Variants in SPIRE1 observed in about 807,000 individuals in gnomAD.
The protein encoded by SPIRE1 is protein spire homolog 1.
In SPIRE1, 40 loss-of-function variants were observed where a neutral mutation model predicts 94.1. The ratio of observed to expected loss-of-function variants is 0.43; its 90% CI spans 0.33 to 0.55. SPIRE1 has a LOEUF of 0.55. Ranked by LOEUF, SPIRE1 falls within the 20% of genes least tolerant of loss-of-function variation. SPIRE1 has a pLI of 0.06. For missense variants in SPIRE1, 838 were observed against 975.2 expected (o/e 0.86, Z 1.87); for synonymous variants, 376 against 371.7 (o/e 1.01, Z -0.13).
chr18:12,641,793 T>C (rs1241564437), intron 1 of SPIRE1, among the ~76,000 whole-genome samples: 2 of 151,960 alleles, frequency 1.3e-5, no homozygotes, highest in African/African-American at 4.8e-5. Context: ...CAAAATCATC[T>C]TTGCCAAGTT....
chr18:12,557,368 A>C (rs1454298020), intron 2 of SPIRE1, among the ~76,000 whole-genome samples: 2 of 152,080 alleles, frequency 1.3e-5, no homozygotes, highest in African/African-American at 4.8e-5. Flanking sequence ...AACTCAGCGC[A>C]CCCTCTGCAG....
At chr18:12,482,222 A>G (rs1466879727) in intron 9 of SPIRE1, among the ~76,000 whole-genome samples, 1 of 152,162 alleles carries the variant, frequency 6.6e-6, no homozygotes, top group Non-Finnish European at 1.5e-5. Context: ...AGCTCACTGT[A>G]ACCTCTGCCT....
chr18:12,616,718 G>C (rs1474146642), intron 2 of SPIRE1, among the ~76,000 whole-genome samples: 3 of 152,196 alleles, frequency 2.0e-5, no homozygotes, highest in Non-Finnish European at 4.4e-5. Flanking sequence ...ACAGGAAGAA[G>C]AGAGAAAAGC....
chr18:12,452,103 G>A, intron 16 of SPIRE1, 152 bp downstream of exon 16: 1 of 839,760 alleles, frequency 1.2e-6, no homozygotes. Context: ...CTTTGGGGAA[G>A]TTTTGGAGAT....
At chr18:12,593,452 T>TA (rs773451399) in intron 2 of SPIRE1, among the ~76,000 whole-genome samples, 1 of 152,196 alleles carries the variant, frequency 6.6e-6, no homozygotes, top group South Asian at 2.1e-4. Flanking sequence ...GCTTATCTGA[T>TA]AAAAAAGATG....
intron 11 of SPIRE1, among the ~76,000 whole-genome samples, chr18:12,463,696 T>C (rs1486925445): frequency 1.3e-5 from 2 of 152,046 alleles, no homozygotes; most frequent in Non-Finnish European, 2.9e-5. Context: ...GCTACAGAAA[T>C]AGCAAGAAAA....
chr18:12,458,892 T>C (rs1040565606), intron 12 of SPIRE1, among the ~76,000 whole-genome samples: 1 of 152,166 alleles, frequency 6.6e-6, no homozygotes, highest in Non-Finnish European at 1.5e-5. Context: ...CTTATTTACA[T>C]TGAGTCTCCT....
intron 2 of SPIRE1, among the ~76,000 whole-genome samples, chr18:12,629,403 T>C (rs950640310): frequency 6.6e-6 from 1 of 152,194 alleles, no homozygotes. Flanking sequence ...ATTTGTAAAA[T>C]TGGAATAAAA....
chr18:12,611,837 T>G (rs1302920827), intron 2 of SPIRE1, among the ~76,000 whole-genome samples: 1 of 150,032 alleles, frequency 6.7e-6, no homozygotes, highest in South Asian at 2.1e-4. Context: ...CTACTTTTCT[T>G]TTTTTTTTTG....
chr18:12,523,022 G>A (rs2034406525), intron 4 of SPIRE1, among the ~76,000 whole-genome samples: 1 of 152,094 alleles, frequency 6.6e-6, no homozygotes, highest in Non-Finnish European at 1.5e-5. Flanking sequence ...TCCTCTGATG[G>A]GTTTGGGCAA....
intron 12 of SPIRE1, among the ~76,000 whole-genome samples, chr18:12,461,729 G>C (rs966081997): frequency 5.9e-5 from 9 of 152,146 alleles, no homozygotes; most frequent in African/African-American, 2.2e-4. Flanking sequence ...CTAGGCTCAA[G>C]GGATCTTCCC....
chr18:12,462,792 AAAG>A (rs1210531111), intron 12 of SPIRE1, among the ~76,000 whole-genome samples: 6 of 152,160 alleles, frequency 3.9e-5, no homozygotes, highest in Admixed American at 3.9e-4. Context: ...CCTTTGAAAG[AAAG>A]AAAGCATTTC....
At chr18:12,461,554 C>CAT (rs1407127324) in intron 12 of SPIRE1, among the ~76,000 whole-genome samples, 6,630 of 147,590 alleles carry the variant, frequency 0.045, 336 homozygotes, top group African/African-American at 0.093. Flanking sequence ...TATATACATA[C>CAT]ATGCGTGTAT....
At position 12,637,315 on chromosome 18, in the gene SPIRE1, C is replaced by T. The variant is rs538873069; in HGVS notation, c.338-2219G>A. Among the ~76,000 whole-genome samples, 85 of 147,338 alleles carry T rather than the reference C, an allele frequency of 5.8e-4. No homozygotes were observed. The South Asian group carries it at 0.011, about 20-fold the overall frequency. ...CAGAGCTTGCAGTGAGCCGAGATTG[C>T]GCCGGTGCACTCCAGCCTGGGTGAC... is the stretch of plus-strand genomic sequence containing the variant. On this transcript the variant is annotated intron_variant, in intron 1 of 16. Transcript: ENST00000409402.
chr18:12,598,730 T>A (rs1023162334), intron 2 of SPIRE1, among the ~76,000 whole-genome samples: 5 of 152,050 alleles, frequency 3.3e-5, no homozygotes, highest in Non-Finnish European at 5.9e-5. Flanking sequence ...CAAGAGGAAG[T>A]GGCTGCTGGA....
chr18:12,651,123 G>A lies in SPIRE1; in HGVS notation c.337+6407C>T, dbSNP rs149918545. 3.3e-5 allele frequency among the ~76,000 whole-genome samples: 5 copies of A among 152,100 alleles called. No individual in the cohort carries two copies. In the East Asian group the frequency reaches 9.7e-4, roughly 29 times the overall value. Reference sequence around the variant, plus strand: ...CCCTTACATCACCCATGTAAAACTAGAACACTACTTGTACATAGTAGGAAC... The same window carrying A: ...CCCTTACATCACCCATGTAAAACTAAAACACTACTTGTACATAGTAGGAAC... On this transcript the variant is annotated intron_variant, in intron 1 of 16. Coordinates refer to ENST00000409402, the MANE Select transcript of SPIRE1 (RefSeq NM_001128626.2).
chr18:12,612,337 G>A (rs985500758), intron 2 of SPIRE1, among the ~76,000 whole-genome samples: 4 of 152,052 alleles, frequency 2.6e-5, no homozygotes, highest in African/African-American at 7.2e-5. Flanking sequence ...TTTCCTTCTC[G>A]CTTTGTGGCC....
At chr18:12,550,969 CA>C (rs1206174667) in intron 2 of SPIRE1, among the ~76,000 whole-genome samples, 1 of 152,200 alleles carries the variant, frequency 6.6e-6, no homozygotes, top group Non-Finnish European at 1.5e-5. Context: ...TACTTTCTTC[CA>C]AAATCTCTTG....
At chr18:12,618,871 G>A (rs899097808) in intron 2 of SPIRE1, among the ~76,000 whole-genome samples, 1 of 145,236 alleles carries the variant, frequency 6.9e-6, no homozygotes, top group Non-Finnish European at 1.5e-5. Flanking sequence ...CGCCAGCTCT[G>A]AGCCCCACAA....
Sources: allele counts gnomAD v4.1 joint callset (sites outside exome capture counted in the v4.1 genomes callset), GRCh38; gene constraint gnomAD v4.1.1; transcripts MANE v1.5; gene names NCBI Gene and HGNC (gene_info 2026-07-23, HGNC 2026-07-21).